STX8: variants seen among roughly 807,000 people sequenced by gnomAD.
STX8 encodes syntaxin-8.
In STX8, 23 loss-of-function variants were observed where a neutral mutation model predicts 37.5. That is an observed-to-expected ratio of 0.61 (90% CI 0.44 to 0.87). The LOEUF (loss-of-function observed/expected upper bound fraction) is 0.87. Ranked by LOEUF, STX8 falls within the 40% of genes least tolerant of loss-of-function variation. STX8 has a pLI of 0.00. For synonymous variants in STX8, 115 were observed against 99.1 expected, an observed-to-expected ratio of 1.16 and a Z score of -0.95; for missense variants, 313 against 284.7, an observed-to-expected ratio of 1.10 and a Z score of -0.71.
intron 6 of STX8, among the ~76,000 whole-genome samples, chr17:9,440,148 T>C (rs542568057): frequency 1.1e-4 from 16 of 152,262 alleles, no homozygotes; most frequent in African/African-American, 3.9e-4. Flanking sequence ...TTGACAATTA[T>C]TTCTATAATG....
chr17:9,463,642 T>C (rs943126972), intron 6 of STX8, among the ~76,000 whole-genome samples: 1 of 152,156 alleles, frequency 6.6e-6, no homozygotes, highest in Non-Finnish European at 1.5e-5. Context: ...GCGCAATGGC[T>C]GATGCCTGTA....
chr17:9,326,918 G>T (rs1281857000), intron 7 of STX8, among the ~76,000 whole-genome samples: 1 of 152,202 alleles, frequency 6.6e-6, no homozygotes, highest in African/African-American at 2.4e-5. Flanking sequence ...CCAGCAGTTT[G>T]GGAGGCTGAG....
At chr17:9,423,825 T>A (rs1913528783) in intron 6 of STX8, among the ~76,000 whole-genome samples, 1 of 152,288 alleles carries the variant, frequency 6.6e-6, no homozygotes, top group South Asian at 2.1e-4. Context: ...CAGACCATCT[T>A]TAAAGACGCC....
At chr17:9,485,400 A>G (rs911920595) in intron 6 of STX8, among the ~76,000 whole-genome samples, 3 of 152,192 alleles carry the variant, frequency 2.0e-5, no homozygotes, top group Non-Finnish European at 4.4e-5. Flanking sequence ...CTTCTATGAC[A>G]TATATACACA....
At chr17:9,518,634 C>A (rs756910269) in intron 4 of STX8, among the ~76,000 whole-genome samples, 28 of 152,076 alleles carry the variant, frequency 1.8e-4, no homozygotes, top group Non-Finnish European at 3.4e-4. Context: ...TTTGGGAGGC[C>A]GAGGCGGGTA....
chr17:9,567,593 T>C (rs186696037), intron 2 of STX8, among the ~76,000 whole-genome samples: 15 of 152,374 alleles, frequency 9.8e-5, no homozygotes, highest in African/African-American at 3.6e-4. Flanking sequence ...TTTTCAATCA[T>C]AGTCACAAGT....
At chr17:9,540,246 G>C (rs1906225191) in intron 4 of STX8, among the ~76,000 whole-genome samples, 1 of 152,174 alleles carries the variant, frequency 6.6e-6, no homozygotes, top group Non-Finnish European at 1.5e-5. Context: ...AGGTCCACAT[G>C]GTGCCATCTT....
At chr17:9,418,790 G>T (rs1913298618) in intron 6 of STX8, among the ~76,000 whole-genome samples, 1 of 114,976 alleles carries the variant, frequency 8.7e-6, no homozygotes. Context: ...TCACGCCACT[G>T]CACTCTAGCC....
chr17:9,557,828 T>C (rs999819828), intron 2 of STX8, among the ~76,000 whole-genome samples: 1 of 152,170 alleles, frequency 6.6e-6, no homozygotes, highest in African/African-American at 2.4e-5. Context: ...CTGAATCCTG[T>C]CACCTGAGCT....
intron 7 of STX8, among the ~76,000 whole-genome samples, chr17:9,288,661 C>A (rs570418686): frequency 6.8e-6 from 1 of 147,984 alleles, no homozygotes; most frequent in Admixed American, 6.7e-5. Flanking sequence ...GACTCCGTCT[C>A]GAAATAAATA....
intron 4 of STX8, among the ~76,000 whole-genome samples, chr17:9,529,366 C>G (rs1239707859): frequency 6.6e-6 from 1 of 152,164 alleles, no homozygotes; most frequent in Non-Finnish European, 1.5e-5. Flanking sequence ...ACCATATCTA[C>G]TCACATGTGT....
intron 7 of STX8, among the ~76,000 whole-genome samples, chr17:9,254,577 G>A (rs1351438212): frequency 6.6e-6 from 1 of 152,016 alleles, no homozygotes; most frequent in Non-Finnish European, 1.5e-5. Flanking sequence ...TGTATTTTTA[G>A]TAGAGACAGG....
intron 7 of STX8, among the ~76,000 whole-genome samples, chr17:9,331,322 C>T (rs2142217961): frequency 6.6e-6 from 1 of 152,272 alleles, no homozygotes; most frequent in South Asian, 2.1e-4. Context: ...CCTCCCTCCC[C>T]TCCCCCTCCA....
chr17:9,346,148 G>A (rs1053819179), intron 7 of STX8, among the ~76,000 whole-genome samples: 6 of 151,938 alleles, frequency 3.9e-5, no homozygotes, highest in South Asian at 4.2e-4. Flanking sequence ...CACCACGCCC[G>A]GCCGGCCCCT....
intron 6 of STX8, among the ~76,000 whole-genome samples, chr17:9,424,497 C>A (rs972878445): frequency 3.9e-5 from 6 of 152,124 alleles, no homozygotes; most frequent in African/African-American, 1.4e-4. Context: ...CGTGTTACAC[C>A]TGCCTAAAGT....
intron 6 of STX8, among the ~76,000 whole-genome samples, chr17:9,490,776 A>G (rs1012073067): frequency 6.6e-6 from 1 of 152,150 alleles, no homozygotes; most frequent in Non-Finnish European, 1.5e-5. Context: ...TTAGAGAGGA[A>G]GCCAGTTTAG....
At chr17:9,561,574 G>A (rs1248416730) in intron 2 of STX8, among the ~76,000 whole-genome samples, 2 of 147,336 alleles carry the variant, frequency 1.4e-5, no homozygotes, top group East Asian at 2.0e-4. Context: ...CAGGAGAATC[G>A]CTTGAACCTG....
Position 9,455,019 on chromosome 17 carries a change from C to A in STX8, c.541+36810G>T, listed in dbSNP as rs1439780236. Among the ~76,000 whole-genome samples, 4 of 151,976 alleles carry A rather than the reference C, an allele frequency of 2.6e-5. No homozygotes were observed. The East Asian group carries it at 7.8e-4, about 29-fold the overall frequency. ...TCACTTGAGGTCAGGAGTTTGAGAC[C>A]AGCCTGGGCAAGACAGCAAAACCCC... On this transcript the variant is annotated intron_variant, in intron 6 of 7. Transcript: ENST00000306357.
intron 6 of STX8, among the ~76,000 whole-genome samples, chr17:9,442,600 G>A (rs1330005384): frequency 1.3e-5 from 2 of 152,136 alleles, no homozygotes; most frequent in Non-Finnish European, 2.9e-5. Flanking sequence ...TAGAGACGGG[G>A]TTTCACCATG....
Sources: allele counts gnomAD v4.1 joint callset (sites outside exome capture counted in the v4.1 genomes callset), GRCh38; gene constraint gnomAD v4.1.1; transcripts MANE v1.5; gene names NCBI Gene and HGNC (gene_info 2026-07-23, HGNC 2026-07-21).